Variants in SAMD5 observed in about 807,000 individuals in gnomAD.
SAMD5 encodes the protein sterile alpha motif domain-containing protein 5.
In SAMD5, 13 loss-of-function variants were observed where a neutral mutation model predicts 11.3. That is an observed-to-expected ratio of 1.15 (90% CI 0.75 to 1.83). The LOEUF (loss-of-function observed/expected upper bound fraction) is 1.83. Ranked by LOEUF, SAMD5 falls within the 40% of genes most tolerant of loss-of-function variation. SAMD5 has a pLI of 0.00. For missense variants in SAMD5, 255 were observed against 239.1 expected, an observed-to-expected ratio of 1.07 and a Z score of -0.44; for synonymous variants, 129 against 111.3, an observed-to-expected ratio of 1.16 and a Z score of -1.00.
intron 1 of SAMD5, among the ~76,000 whole-genome samples, chr6:147,562,794 C>A (rs1182099209): frequency 6.6e-6 from 1 of 151,882 alleles, no homozygotes; most frequent in Non-Finnish European, 1.5e-5. Context: ...TGCACTCCAG[C>A]CTGGGAGACA....
At chr6:147,875,305 T>C in the SAMD5 span, among the ~76,000 whole-genome samples, 1 of 152,130 alleles carries the variant, frequency 6.6e-6, no homozygotes, top group Non-Finnish European at 1.5e-5. Context: ...AGAGTTCTAG[T>C]TACTGAAGAT....
At chr6:147,605,715 C>A (rs949236019) in intron 1 of SAMD5, among the ~76,000 whole-genome samples, 3 of 152,022 alleles carry the variant, frequency 2.0e-5, no homozygotes, top group Non-Finnish European at 4.4e-5. Context: ...AATTTAATTG[C>A]AATTTATGCA....
the SAMD5 span, among the ~76,000 whole-genome samples, chr6:147,761,837 C>T: frequency 2.0e-5 from 3 of 152,080 alleles, no homozygotes; most frequent in Admixed American, 2.0e-4. Flanking sequence ...CTCAGCCTCC[C>T]GTGTAGCTGG....
chr6:147,846,718 G>A, the SAMD5 span, among the ~76,000 whole-genome samples: 3 of 152,160 alleles, frequency 2.0e-5, no homozygotes, highest in Non-Finnish European at 4.4e-5. Flanking sequence ...TATTCGGTAG[G>A]CTGAGGCATA....
At chr6:147,516,475 G>A (rs609152) in intron 1 of SAMD5, among the ~76,000 whole-genome samples, 71,361 of 151,704 alleles carry the variant, frequency 0.47, 19,495 homozygotes, top group African/African-American at 0.77. Flanking sequence ...TTACCACATA[G>A]GGTTGTTATG....
At chr6:147,691,197 T>C (rs1465240011) in intron 1 of SAMD5, among the ~76,000 whole-genome samples, 1 of 152,158 alleles carries the variant, frequency 6.6e-6, no homozygotes, top group African/African-American at 2.4e-5. Context: ...TTTTGCTATG[T>C]TGGTCAGGCT....
At chr6:147,778,164 T>G in the SAMD5 span, among the ~76,000 whole-genome samples, 1 of 152,200 alleles carries the variant, frequency 6.6e-6, no homozygotes, top group Admixed American at 6.5e-5. Context: ...CCAGAGGGTG[T>G]GGGGTTCTCG....
chr6:147,523,885 A>G (rs1328311497), intron 1 of SAMD5, among the ~76,000 whole-genome samples: 1 of 152,194 alleles, frequency 6.6e-6, no homozygotes, highest in African/African-American at 2.4e-5. Context: ...AACTCAGTGT[A>G]TCTCTGGCTT....
chr6:147,866,448 C>A, the SAMD5 span, among the ~76,000 whole-genome samples: 450 of 152,068 alleles, frequency 3.0e-3, 3 homozygotes, highest in African/African-American at 0.01. Flanking sequence ...AAAAGTGGGA[C>A]GGTAAAGATA....
the SAMD5 span, among the ~76,000 whole-genome samples, chr6:147,954,642 CTT>C: frequency 2.3e-3 from 318 of 137,244 alleles, no homozygotes; most frequent in African/African-American, 7.1e-3. Flanking sequence ...TTTTTAACCT[CTT>C]TTTTTTTTTT....
chr6:147,784,081 T>C, the SAMD5 span, among the ~76,000 whole-genome samples: 1 of 152,162 alleles, frequency 6.6e-6, no homozygotes, highest in Non-Finnish European at 1.5e-5. Flanking sequence ...TTCTTTTGCC[T>C]CGACCGTCTC....
the SAMD5 span, among the ~76,000 whole-genome samples, chr6:147,946,199 C>T: frequency 6.6e-6 from 1 of 152,164 alleles, no homozygotes; most frequent in South Asian, 2.1e-4. Context: ...TCTGGCCACC[C>T]TAACACCAGT....
chr6:147,919,076 G>T, the SAMD5 span, among the ~76,000 whole-genome samples: 1 of 152,164 alleles, frequency 6.6e-6, no homozygotes, highest in South Asian at 2.1e-4. Context: ...ATCCAATCTA[G>T]GGATGGGGAG....
chr6:147,601,585 C>A (rs889928686), intron 1 of SAMD5, among the ~76,000 whole-genome samples: 1 of 152,116 alleles, frequency 6.6e-6, no homozygotes, highest in African/African-American at 2.4e-5. Flanking sequence ...ACGGAACACA[C>A]GTCCATGTAC....
chr6:147,643,253 C>CT (rs1009468415), intron 1 of SAMD5, among the ~76,000 whole-genome samples: 11 of 151,862 alleles, frequency 7.2e-5, no homozygotes, highest in South Asian at 2.1e-4. Context: ...CTCAAATATG[C>CT]TTTTTTTTAT....
chr6:147,784,177 G>A, the SAMD5 span, among the ~76,000 whole-genome samples: 3 of 148,514 alleles, frequency 2.0e-5, no homozygotes, highest in Non-Finnish European at 3.0e-5. Flanking sequence ...TTGAAACAGA[G>A]TTAACTTTCT....
At chr6:147,550,101 T>C (rs842018) in intron 1 of SAMD5, among the ~76,000 whole-genome samples, 93,628 of 151,504 alleles carry the variant, frequency 0.62, 29,978 homozygotes, top group East Asian at 0.91. Flanking sequence ...AAACATTAGA[T>C]GGGCATGGTG....
At chr6:147,557,744 G>A (rs550405684) in intron 1 of SAMD5, among the ~76,000 whole-genome samples, 190 of 152,262 alleles carry the variant, frequency 1.2e-3, no homozygotes, top group Non-Finnish European at 2.1e-3. Flanking sequence ...TTTGTGAGGG[G>A]GGACACTATT....
At chr6:147,905,395 G>A in the SAMD5 span, among the ~76,000 whole-genome samples, 5 of 152,028 alleles carry the variant, frequency 3.3e-5, no homozygotes, top group Admixed American at 6.6e-5. Context: ...TGGTCAGGCT[G>A]GGCTCGAGCT....
Sources: gnomAD v4.1 joint callset for allele counts (sites outside exome capture counted in the v4.1 genomes callset) on GRCh38, gnomAD v4.1.1 for gene constraint, MANE v1.5 for transcripts, NCBI Gene and HGNC (gene_info 2026-07-23, HGNC 2026-07-21) for gene names.